Variants in PLEKHA6 observed in about 807,000 individuals in gnomAD.
PLEKHA6 encodes pleckstrin homology domain containing A6.
Under a neutral mutation model 116.7 loss-of-function variants are expected in PLEKHA6, and 60 were observed. The observed-to-expected ratio is 0.51, with a 90% CI of 0.42 to 0.64. PLEKHA6 has a LOEUF of 0.64. Among genes scored for constraint, PLEKHA6 ranks in the 30% least tolerant of loss-of-function variants. The pLI, the probability that PLEKHA6 is intolerant of heterozygous loss-of-function variation, is 0.00. For missense variants in PLEKHA6, 1,338 were observed against 1,422.7 expected (o/e 0.94, Z 0.96); for synonymous variants, 489 against 556.1 (o/e 0.88, Z 1.70).
At chr1:204,271,746 G>A (rs1175593140) in intron 3 of PLEKHA6, among the ~76,000 whole-genome samples, 2 of 152,158 alleles carry the variant, frequency 1.3e-5, no homozygotes, top group South Asian at 2.1e-4. Flanking sequence ...GCCAGGCTAT[G>A]AGCATGCTGG....
At position 204,257,549 on chromosome 1, in the gene PLEKHA6, G is replaced by A. The variant is rs200111205; in HGVS notation, c.1328C>T (p.Ser443Phe). The part of the protein sequence containing the change: ...YYDELDAASS[S>F]LRRLSLQPRS... Reference sequence around the variant, plus strand: ...GGGCTGCAGGGACAGGCGGCGCAGGGAGCTAGAGGCGGCATCCAGCTCATC... The same window carrying A: ...GGGCTGCAGGGACAGGCGGCGCAGGAAGCTAGAGGCGGCATCCAGCTCATC... Residue 443 changes from serine to phenylalanine, a missense_variant, in exon 9 of 23, where the codon TCC becomes TTC. By Grantham distance (155) the Ser-to-Phe change is radical. Around this residue, in one of 3 missense-constraint regions of PLEKHA6, gnomAD observed 1,136 missense variants for 1,163.6 expected, o/e 0.98. Coordinates refer to ENST00000272203, the MANE Select transcript of PLEKHA6 (RefSeq NM_014935.5). The surrounding 1 kb of genome is among the most constrained non-coding windows in gnomAD (Gnocchi z 6.5). 1.3e-6 allele frequency: 2 copies of A among 1,598,340 alleles called. No homozygotes were observed. Among genetic ancestry groups the A allele is most frequent in the Non-Finnish European group, 8.5e-7 (1 of 1,171,514 alleles).
chr1:204,280,256 G>A (rs1668456493), intron 1 of PLEKHA6: 1 of 960,462 alleles, frequency 1.0e-6, no homozygotes, highest in Non-Finnish European at 1.2e-6. Context: ...TCCCCCTGGA[G>A]AGTCAGCCTC....
intron 10 of PLEKHA6, 115 bp from the exon 11 acceptor site, chr1:204,249,379 G>T: frequency 1.3e-6 from 1 of 753,506 alleles, no homozygotes; most frequent in Non-Finnish European, 2.3e-6. Flanking sequence ...CCTTTCTCCT[G>T]CTGAGGAACC....
intron 21 of PLEKHA6, among the ~76,000 whole-genome samples, chr1:204,226,364 GT>G: frequency 6.6e-6 from 1 of 152,320 alleles, no homozygotes; most frequent in Non-Finnish European, 1.5e-5. Context: ...GGTGGGTTTT[GT>G]TTTCATGGGA....
At chr1:204,345,735 C>A (rs1171047090) in intron 1 of PLEKHA6, among the ~76,000 whole-genome samples, 1 of 152,154 alleles carries the variant, frequency 6.6e-6, no homozygotes. Context: ...TTCCCCCACA[C>A]TATGTTCTGC....
chr1:204,274,838 G>A (rs1380679992), intron 1 of PLEKHA6, 29 bp from the exon 2 acceptor site: 1 of 985,806 alleles, frequency 1.0e-6, no homozygotes, highest in African/African-American at 1.7e-5. Context: ...AAGAGTTGTG[G>A]TAAAGATGAA....
At chr1:204,247,819 G>A (rs1057254334) in intron 12 of PLEKHA6, among the ~76,000 whole-genome samples, 8 of 152,152 alleles carry the variant, frequency 5.3e-5, no homozygotes, top group African/African-American at 1.9e-4. Context: ...GCTGGGCATG[G>A]TGGCGCACCC....
At chr1:204,334,732 C>G (rs537583527) in intron 1 of PLEKHA6, among the ~76,000 whole-genome samples, 1 of 151,964 alleles carries the variant, frequency 6.6e-6, no homozygotes, top group Non-Finnish European at 1.5e-5. Flanking sequence ...AACCGCATCT[C>G]TACTGAAAAT....
chr1:204,351,221 C>A (rs572327782), intron 1 of PLEKHA6, among the ~76,000 whole-genome samples: 1 of 152,170 alleles, frequency 6.6e-6, no homozygotes, highest in African/African-American at 2.4e-5. Flanking sequence ...AGGTGGCCTA[C>A]GTGCCTGAGA....
intron 1 of PLEKHA6, among the ~76,000 whole-genome samples, chr1:204,286,062 C>A (rs1669142264): frequency 6.6e-6 from 1 of 152,030 alleles, no homozygotes; most frequent in Admixed American, 6.6e-5. Flanking sequence ...CCTGCACCTC[C>A]CCTTCCCCAC....
intron 11 of PLEKHA6, 86 bp downstream of exon 11, chr1:204,249,098 A>G: frequency 6.8e-7 from 1 of 1,477,976 alleles, no homozygotes; most frequent in Non-Finnish European, 9.4e-7. Context: ...TTGTCATCTC[A>G]GTCAGGTTGG....
At chr1:204,254,992 T>A (rs539781357) in intron 9 of PLEKHA6, among the ~76,000 whole-genome samples, 2 of 152,300 alleles carry the variant, frequency 1.3e-5, no homozygotes, top group African/African-American at 4.8e-5. Flanking sequence ...TGCTTGCAGC[T>A]CATGGAACAT....
intron 1 of PLEKHA6, among the ~76,000 whole-genome samples, chr1:204,294,736 C>T (rs7525113): frequency 0.41 from 61,960 of 151,994 alleles, 13,163 homozygotes; most frequent in Admixed American, 0.48. Context: ...CCTCTCTGTG[C>T]TTTCATTCCC....
chr1:204,306,472 C>T (rs1381396343), intron 1 of PLEKHA6, among the ~76,000 whole-genome samples: 2 of 152,216 alleles, frequency 1.3e-5, no homozygotes, highest in Non-Finnish European at 2.9e-5. Flanking sequence ...TCCTCCCCCT[C>T]TTCCAAGGCT....
At chr1:204,288,938 A>T (rs1268407101) in intron 1 of PLEKHA6, among the ~76,000 whole-genome samples, 2 of 152,196 alleles carry the variant, frequency 1.3e-5, no homozygotes, top group African/African-American at 4.8e-5. Context: ...TCTTTGGAGG[A>T]TACAGACGGA....
intron 9 of PLEKHA6, chr1:204,255,729 G>A (rs941412993): frequency 2.9e-6 from 2 of 699,428 alleles, no homozygotes; most frequent in Non-Finnish European, 5.2e-6. Flanking sequence ...AAACAAACAG[G>A]AACACACAAA....
intron 13 of PLEKHA6, among the ~76,000 whole-genome samples, chr1:204,247,061 G>A (rs559894519): frequency 2.0e-5 from 3 of 152,120 alleles, no homozygotes; most frequent in Admixed American, 6.6e-5. Flanking sequence ...GCTTGAGCCC[G>A]GGGCAGTCAA....
At position 204,372,887 on chromosome 1, in the gene PLEKHA6, A is replaced by G. The variant is rs185257162; in HGVS notation, c.84-1281T>C. Among the ~76,000 whole-genome samples the G allele has an allele frequency of 3.3e-5, 5 of 149,388 alleles. No individual in the cohort carries two copies. The East Asian group carries it at 1.0e-3, about 30-fold the overall frequency. On this transcript the variant is annotated intron_variant, in intron 1 of 4. Transcript: ENST00000564627. ...TCATACAATACAGTCATGCAATCATACAATCATACATCTTTCCCTGAAAAA... is the reference window on the plus strand; with the variant it reads ...TCATACAATACAGTCATGCAATCATGCAATCATACATCTTTCCCTGAAAAA...
At chr1:204,352,374 C>CAAA (rs35132900) in intron 1 of PLEKHA6, among the ~76,000 whole-genome samples, 14 of 139,514 alleles carry the variant, frequency 1.0e-4, no homozygotes, top group South Asian at 4.5e-4. Context: ...GACTCCGTCT[C>CAAA]AAAAAAAAAA....
Sources: gnomAD v4.1 joint callset for allele counts (sites outside exome capture counted in the v4.1 genomes callset) on GRCh38, gnomAD v4.1.1 for gene constraint, gnomAD v4.1.1 regional missense constraint, Gnocchi (gnomAD v3.1) non-coding constraint, MANE v1.5 for transcripts, NCBI Gene and HGNC (gene_info 2026-07-23, HGNC 2026-07-21) for gene names.